APBB1IP: variants seen among roughly 807,000 people sequenced by gnomAD.
APBB1IP encodes the protein amyloid beta precursor protein binding family B member 1 interacting protein, also known as amyloid beta A4 precursor protein-binding family B member 1-interacting protein.
APBB1IP carries 27 observed loss-of-function variants against 64.9 expected under a neutral mutation model. The observed-to-expected ratio is 0.42, with a 90% CI of 0.31 to 0.57. APBB1IP has a LOEUF of 0.57. APBB1IP is among the 20% of genes least tolerant of loss of function. The pLI, the probability that APBB1IP is intolerant of heterozygous loss-of-function variation, is 0.20. For missense variants in APBB1IP, 812 were observed against 845.5 expected (o/e 0.96, Z 0.49); for synonymous variants, 392 against 331.0 (o/e 1.18, Z -2.00).
Position 26,535,441 on chromosome 10 carries a change from T to A in APBB1IP, c.901-633T>A, listed in dbSNP as rs565595272. On this transcript the variant is annotated intron_variant, in intron 9 of 14. Transcript: ENST00000376236. ...GGGTATCCATCCTCTCAAGCATTTG[T>A]CCTTTGTATTACAAACAATCCAATT... Among the ~76,000 whole-genome samples the A allele has an allele frequency of 2.6e-5, 4 of 152,336 alleles. No individual in the cohort carries two copies. In the South Asian group the frequency reaches 8.3e-4, roughly 32 times the overall value.
intron 14 of APBB1IP, among the ~76,000 whole-genome samples, chr10:26,565,501 G>A (rs924159328): frequency 6.6e-6 from 1 of 152,136 alleles, no homozygotes; most frequent in Non-Finnish European, 1.5e-5. Context: ...GCAACTCCTG[G>A]ATAAGGCAAG....
At chr10:26,535,496 A>G (rs1164357680) in intron 9 of APBB1IP, among the ~76,000 whole-genome samples, 1 of 152,152 alleles carries the variant, frequency 6.6e-6, no homozygotes, top group Non-Finnish European at 1.5e-5. Context: ...TAAATGTACG[A>G]TTAAGTTATT....
intron 8 of APBB1IP, among the ~76,000 whole-genome samples, chr10:26,520,358 C>T (rs529620043): frequency 2.0e-5 from 3 of 152,276 alleles, no homozygotes; most frequent in Admixed American, 6.5e-5. Context: ...AAGACTAAGA[C>T]AGATTAATAC....
At chr10:26,566,239 C>T (rs1353693258) in intron 14 of APBB1IP, among the ~76,000 whole-genome samples, 2 of 151,992 alleles carry the variant, frequency 1.3e-5, no homozygotes, top group African/African-American at 2.4e-5. Context: ...GGCAACACAG[C>T]GAGACTCCAT....
At chr10:26,561,465 T>TGACCACTTC in intron 13 of APBB1IP, among the ~76,000 whole-genome samples, 1 of 151,876 alleles carries the variant, frequency 6.6e-6, no homozygotes, top group East Asian at 1.9e-4. Flanking sequence ...TAAGCGCCTT[T>TGACCACTTC]TAACAAAGCT....
intron 2 of APBB1IP, among the ~76,000 whole-genome samples, chr10:26,456,756 A>C (rs1835530899): frequency 6.6e-6 from 1 of 151,146 alleles, no homozygotes; most frequent in African/African-American, 2.4e-5. Flanking sequence ...AAAAAAAAAA[A>C]AAGGAGAGAC....
intron 2 of APBB1IP, among the ~76,000 whole-genome samples, chr10:26,463,990 C>G (rs1056293614): frequency 6.6e-6 from 1 of 152,106 alleles, no homozygotes; most frequent in South Asian, 2.1e-4. Flanking sequence ...AGAACAGGAC[C>G]ATAACATTTT....
chr10:26,546,973 A>G (rs949172666), intron 11 of APBB1IP, among the ~76,000 whole-genome samples: 8 of 152,212 alleles, frequency 5.3e-5, no homozygotes, highest in African/African-American at 1.4e-4. Context: ...GCACCTCCAT[A>G]CTGTTTTCTG....
intron 14 of APBB1IP, among the ~76,000 whole-genome samples, chr10:26,564,421 T>A (rs1837013260): frequency 2.0e-5 from 3 of 152,222 alleles, no homozygotes. Flanking sequence ...TCTCATTTGA[T>A]CTCATCACAA....
chr10:26,511,655 T>G, intron 6 of APBB1IP, 92 bp from the exon 7 acceptor site: 1 of 1,459,056 alleles, frequency 6.9e-7, no homozygotes. Flanking sequence ...CTTACAGAAA[T>G]TTGCAGAAAC....
At chr10:26,503,112 A>G in intron 5 of APBB1IP, 85 bp from the exon 6 acceptor site, 3 of 1,279,024 alleles carry the variant, frequency 2.3e-6, no homozygotes, top group Non-Finnish European at 3.3e-6. Context: ...AATACAACGT[A>G]GCTGAGACAC....
At chr10:26,441,772 A>T (rs1835340436) in intron 2 of APBB1IP, among the ~76,000 whole-genome samples, 1 of 152,196 alleles carries the variant, frequency 6.6e-6, no homozygotes, top group South Asian at 2.1e-4. Flanking sequence ...CTGAGCGTTG[A>T]CCATGAACTT....
chr10:26,502,160 T>C (rs1343346777), intron 5 of APBB1IP, among the ~76,000 whole-genome samples: 1 of 152,214 alleles, frequency 6.6e-6, no homozygotes, highest in Non-Finnish European at 1.5e-5. Context: ...TATAAAAAGA[T>C]ACATGCCTAT....
intron 8 of APBB1IP, among the ~76,000 whole-genome samples, chr10:26,533,060 G>C (rs1313338663): frequency 6.6e-6 from 1 of 152,224 alleles, no homozygotes; most frequent in Non-Finnish European, 1.5e-5. Context: ...CCCCTCTTGA[G>C]CATAGGACAT....
chr10:26,457,663 C>T (rs1470409441), intron 2 of APBB1IP, among the ~76,000 whole-genome samples: 1 of 152,144 alleles, frequency 6.6e-6, no homozygotes, highest in Non-Finnish European at 1.5e-5. Flanking sequence ...TGGAAGGAGG[C>T]CATGTTGCAT....
At chr10:26,506,366 C>G (rs1400905751) in intron 6 of APBB1IP, among the ~76,000 whole-genome samples, 1 of 151,976 alleles carries the variant, frequency 6.6e-6, no homozygotes, top group Non-Finnish European at 1.5e-5. Context: ...TCCCACCCAG[C>G]CTCCCAAGTA....
In APBB1IP at chr10:26,567,287, G is replaced by T; in HGVS notation, c.1800G>T (p.Pro600=). 1.1e-6 allele frequency: 1 copy of T among 892,284 alleles called. No individual in the cohort carries two copies. Among genetic ancestry groups the T allele is most frequent in the South Asian group, 4.8e-5 (1 of 20,664 alleles). The allele number at this position is 892,284 out of a possible 1,614,324, so 55.3% of individuals were successfully genotyped here. ...GGATCGCGGGCTCAGAGCTGCCCCC[G>T]CCGCCGCCGCCGCCGCCCGCGCCCG... The part of the protein sequence containing the change: ...YAGIAGSELP[P]PPPPPPAPAP... Residue 600 remains proline, a synonymous_variant, in exon 15 of 15, where the codon CCG becomes CCT. Coordinates refer to ENST00000376236, the MANE Select transcript of APBB1IP (RefSeq NM_019043.4).
chr10:26,535,472 CTT>C (rs1369763875), intron 9 of APBB1IP, among the ~76,000 whole-genome samples: 1 of 152,104 alleles, frequency 6.6e-6, no homozygotes, highest in Non-Finnish European at 1.5e-5. Context: ...CAATTACACT[CTT>C]TTAGTTATTT....
At chr10:26,526,040 AG>A (rs1836469573) in intron 8 of APBB1IP, among the ~76,000 whole-genome samples, 1 of 152,176 alleles carries the variant, frequency 6.6e-6, no homozygotes, top group Non-Finnish European at 1.5e-5. Flanking sequence ...GGACAGGAAA[AG>A]GTGAGAGGGA....
Sources: allele counts gnomAD v4.1 joint callset (sites outside exome capture counted in the v4.1 genomes callset), GRCh38; gene constraint gnomAD v4.1.1; transcripts MANE v1.5; gene names NCBI Gene and HGNC (gene_info 2026-07-23, HGNC 2026-07-21).